The following TMEM132E variants were observed in gnomAD, a reference collection of about 807,000 sequenced individuals.
TMEM132E encodes transmembrane protein 132E.
In TMEM132E, 49 loss-of-function variants were observed where a neutral mutation model predicts 78.5. That is an observed-to-expected ratio of 0.62 (90% CI 0.50 to 0.79). TMEM132E has a LOEUF of 0.79. Among genes scored for constraint, TMEM132E ranks in the 30% least tolerant of loss-of-function variants. The probability of loss-of-function intolerance (pLI) is 0.00; values close to 1 mark genes in which losing one functional copy is unlikely to be tolerated. For synonymous variants in TMEM132E, 715 were observed against 670.6 expected, an observed-to-expected ratio of 1.07 and a Z score of -1.02; for missense variants, 1,403 against 1,470.9, an observed-to-expected ratio of 0.95 and a Z score of 0.75.
rs771848976 is a variant in TMEM132E, at chr17:34,626,895, C to A, written c.836C>A (p.Pro279Gln). Reference protein sequence around the residue: ...LRIGSISLFRPPPRRTLQEHR... With the variant: ...LRIGSISLFRQPPRRTLQEHR... ...ATCGGGAGCATCAGCCTGTTCCGCC[C>A]GCCCCCCAGGAGGACCCTGCAGGAG... The change falls in exon 2 of 9, where the codon CCG (proline) becomes CAG (glutamine). Residue 279 changes from proline to glutamine, a missense_variant. Physicochemically the swap from Pro to Gln is moderately conservative, Grantham distance 76 (BLOSUM62 -1). Coordinates refer to ENST00000631683, the MANE Select transcript of TMEM132E (RefSeq NM_001304438.2). The A allele has an allele frequency of 1.9e-5, 30 of 1,612,746 alleles. No homozygotes were observed. The South Asian group carries it at 3.1e-4, about 17-fold the overall frequency.
intron 1 of TMEM132E, among the ~76,000 whole-genome samples, chr17:34,602,453 A>G (rs1001882541): frequency 6.6e-6 from 1 of 152,170 alleles, no homozygotes; most frequent in African/African-American, 2.4e-5. Flanking sequence ...CAGCTCTCAC[A>G]TTTGGAGAGT....
intron 1 of TMEM132E, among the ~76,000 whole-genome samples, chr17:34,625,091 A>AT (rs1907076178): frequency 6.6e-6 from 1 of 152,172 alleles, no homozygotes; most frequent in Non-Finnish European, 1.5e-5. Context: ...GGAGAAAAAA[A>AT]TACTCTGGCT....
intron 1 of TMEM132E, among the ~76,000 whole-genome samples, chr17:34,584,861 C>T (rs1304164023): frequency 1.3e-5 from 2 of 152,188 alleles, no homozygotes; most frequent in African/African-American, 4.8e-5. Flanking sequence ...ATGTAGTGTC[C>T]AGGGTCATTC....
chr17:34,581,583 G>A (rs1905484913), intron 1 of TMEM132E, among the ~76,000 whole-genome samples: 1 of 152,010 alleles, frequency 6.6e-6, no homozygotes, highest in East Asian at 2.0e-4. Flanking sequence ...CCGGTGCGGG[G>A]CCGCGCCGCC....
At chr17:34,599,966 G>C (rs1206923110) in intron 1 of TMEM132E, among the ~76,000 whole-genome samples, 1 of 152,222 alleles carries the variant, frequency 6.6e-6, no homozygotes, top group African/African-American at 2.4e-5. Context: ...CCTGATGCTG[G>C]GGGCCCTGGT....
chr17:34,620,394 G>A (rs1311769088), intron 1 of TMEM132E, among the ~76,000 whole-genome samples: 1 of 152,254 alleles, frequency 6.6e-6, no homozygotes, highest in Admixed American at 6.5e-5. Context: ...TGGTTAGGGA[G>A]GGCAGTGTTC....
chr17:34,615,476 G>A (rs3903117), intron 1 of TMEM132E, among the ~76,000 whole-genome samples: 3,391 of 151,856 alleles, frequency 0.022, 64 homozygotes, highest in Middle Eastern at 0.041. Context: ...GTCCCAGGAT[G>A]GGGTACAGCA....
rs114134965 is a variant in TMEM132E, at chr17:34,616,404, G to A, written c.68-9723G>A. ...GCCATCTGGGGGCTGCTAGCTGCTG[G>A]TGGCTTCAGTGGCTCTTCCTCCCAC... On this transcript the variant is annotated intron_variant, in intron 1 of 8. Transcript: ENST00000631683. Among the ~76,000 whole-genome samples, 1,450 of 152,322 alleles carry A rather than the reference G, an allele frequency of 9.5e-3. 28 individuals carry two copies. Among genetic ancestry groups the A allele is most frequent in the African/African-American group, 0.034 (1,399 of 41,564 alleles).
At chr17:34,602,813 A>G (rs1262640506) in intron 1 of TMEM132E, among the ~76,000 whole-genome samples, 2 of 152,232 alleles carry the variant, frequency 1.3e-5, no homozygotes, top group African/African-American at 4.8e-5. Context: ...TTCAAACTCC[A>G]CAAGATGGCT....
At chr17:34,588,420 T>C (rs1905752615) in intron 1 of TMEM132E, among the ~76,000 whole-genome samples, 2 of 152,230 alleles carry the variant, frequency 1.3e-5, no homozygotes, top group Non-Finnish European at 2.9e-5. Context: ...TGGGAGGTGA[T>C]GTCTGGAATA....
intron 1 of TMEM132E, 61 bp downstream of exon 1, chr17:34,581,204 G>A (rs1266209241): frequency 1.7e-5 from 24 of 1,405,306 alleles, no homozygotes; most frequent in Admixed American, 5.0e-5. Context: ...AGGGGGTACG[G>A]GGAAGACTGG....
Position 34,626,875 on chromosome 17 carries a change from G to T in TMEM132E, c.816G>T (p.Gly272=). 6.2e-7 allele frequency: 1 copy of T among 1,610,482 alleles called. No individual in the cohort carries two copies. The change falls in exon 2 of 9, where the codon GGG becomes GGT. Residue 272 remains glycine, a synonymous_variant. Coordinates refer to ENST00000631683, the MANE Select transcript of TMEM132E (RefSeq NM_001304438.2). ...SPTQHPLLRI[G]SISLFRPPPR... is the part of the protein sequence containing the mutation. ...CCCAGCACCCCCTGCTGCGCATCGG[G>T]AGCATCAGCCTGTTCCGCCCGCCCC...
rs375490397 is a variant in TMEM132E, at chr17:34,615,261, A to G, written c.68-10866A>G. ...GTCCTCCTTCAGGCTTTCAGGAAGC[A>G]GACCTAGCCCCCAAGTTAGCTGAGC... is the stretch of plus-strand genomic sequence containing the variant. On this transcript the variant is annotated intron_variant, in intron 1 of 8. Coordinates refer to ENST00000631683, the MANE Select transcript of TMEM132E (RefSeq NM_001304438.2). 4.6e-5 allele frequency among the ~76,000 whole-genome samples: 7 copies of G among 152,134 alleles called. No homozygotes were observed. The South Asian group carries it at 1.2e-3, about 27-fold the overall frequency.
intron 1 of TMEM132E, among the ~76,000 whole-genome samples, chr17:34,600,426 AGTGTGTGTGTGTGTGTGT>A (rs3220449): frequency 6.9e-6 from 1 of 143,968 alleles, no homozygotes; most frequent in African/African-American, 2.6e-5. Flanking sequence ...AGCGTATATG[AGTGTGTGTGTGTGTGTGT>A]GTGTGTGTGT....
At chr17:34,631,985 G>C (rs761520006) in intron 5 of TMEM132E, among the ~76,000 whole-genome samples, 12 of 152,216 alleles carry the variant, frequency 7.9e-5, no homozygotes, top group Non-Finnish European at 1.6e-4. Flanking sequence ...GTACTCAGCA[G>C]GCATGTGGTT....
chr17:34,627,352 G>T (rs1201856355), intron 2 of TMEM132E, among the ~76,000 whole-genome samples: 2 of 152,168 alleles, frequency 1.3e-5, no homozygotes, highest in African/African-American at 4.8e-5. Flanking sequence ...TAGATTTCCA[G>T]AATAATAGAA....
chr17:34,583,585 G>A (rs951123150), intron 1 of TMEM132E, among the ~76,000 whole-genome samples: 7 of 152,192 alleles, frequency 4.6e-5, no homozygotes, highest in Non-Finnish European at 8.8e-5. Context: ...TGGGGTTCCG[G>A]GGCTTTTCTA....
At chr17:34,606,090 A>G (rs1906405136) in intron 1 of TMEM132E, among the ~76,000 whole-genome samples, 1 of 152,160 alleles carries the variant, frequency 6.6e-6, no homozygotes, top group Non-Finnish European at 1.5e-5. Context: ...CATGCCTGTA[A>G]TCCTAGCATT....
At chr17:34,625,289 G>A (rs527756169) in intron 1 of TMEM132E, among the ~76,000 whole-genome samples, 1 of 152,072 alleles carries the variant, frequency 6.6e-6, no homozygotes, top group Non-Finnish European at 1.5e-5. Context: ...GGAGGGAGGA[G>A]GCCCATGTTT....
Sources: gnomAD v4.1 joint callset for allele counts (sites outside exome capture counted in the v4.1 genomes callset) on GRCh38, gnomAD v4.1.1 for gene constraint, MANE v1.5 for transcripts, NCBI Gene and HGNC (gene_info 2026-07-23, HGNC 2026-07-21) for gene names.